CCM2: variants seen among roughly 807,000 people sequenced by gnomAD.
CCM2 encodes the protein cerebral cavernous malformations 2 protein.
A neutral mutation model predicts 44.9 loss-of-function variants in CCM2; 25 were observed. The ratio of observed to expected loss-of-function variants is 0.56; its 90% CI spans 0.41 to 0.78. The LOEUF is 0.78. Ranked by LOEUF, CCM2 falls within the 30% of genes least tolerant of loss-of-function variation. CCM2 has a pLI of 0.00. For missense variants in CCM2, 481 were observed against 580.6 expected (o/e 0.83, Z 1.76); for synonymous variants, 219 against 241.1 (o/e 0.91, Z 0.85).
chr7:45,062,315 C>A (rs1025210995), intron 2 of CCM2, among the ~76,000 whole-genome samples: 1 of 152,052 alleles, frequency 6.6e-6, no homozygotes, highest in Admixed American at 6.6e-5. Context: ...ATCAGCAACC[C>A]ATTTTAAAAA....
At chr7:45,011,724 G>A (rs1042152908) in intron 1 of CCM2, among the ~76,000 whole-genome samples, 3 of 151,928 alleles carry the variant, frequency 2.0e-5, no homozygotes, top group African/African-American at 7.3e-5. Context: ...GCTAATTTTT[G>A]TATTTTTAGT....
At chr7:45,040,658 G>C (rs1026781747) in intron 2 of CCM2, among the ~76,000 whole-genome samples, 1 of 152,118 alleles carries the variant, frequency 6.6e-6, no homozygotes, top group Non-Finnish European at 1.5e-5. Context: ...ACAGAAGCCT[G>C]TTCTTAGAAG....
At chr7:45,011,755 T>C (rs1796075556) in intron 1 of CCM2, among the ~76,000 whole-genome samples, 1 of 152,216 alleles carries the variant, frequency 6.6e-6, no homozygotes. Flanking sequence ...TTTCAATATG[T>C]TGGCCAGGAT....
At chr7:44,999,891 G>A (rs1004458284), upstream of CCM2, 1 of 351,200 alleles carries the variant, frequency 2.8e-6, no homozygotes, top group Non-Finnish European at 5.8e-6. Context: ...AGCGAAGTAG[G>A]GGTAGGAGCG....
chr7:45,039,654 TAA>T (rs1212009549), intron 2 of CCM2, among the ~76,000 whole-genome samples: 2 of 152,152 alleles, frequency 1.3e-5, no homozygotes, highest in Non-Finnish European at 2.9e-5. Flanking sequence ...TTCAGAAAGA[TAA>T]GAGGAAATAT....
At chr7:45,045,286 C>A (rs1797698838) in intron 2 of CCM2, among the ~76,000 whole-genome samples, 1 of 152,156 alleles carries the variant, frequency 6.6e-6, no homozygotes. Flanking sequence ...GAACTTGAAT[C>A]ACCTTGGAAC....
chr7:45,001,466 C>T (rs1795624573), intron 1 of CCM2, among the ~76,000 whole-genome samples: 1 of 152,244 alleles, frequency 6.6e-6, no homozygotes, highest in African/African-American at 2.4e-5. Flanking sequence ...GAGGGAGGAG[C>T]CAAGCAGTGT....
intron 1 of CCM2, among the ~76,000 whole-genome samples, chr7:45,033,663 T>C (rs1797073419): frequency 6.6e-6 from 1 of 152,204 alleles, no homozygotes; most frequent in South Asian, 2.1e-4. Flanking sequence ...TCCATGTCTG[T>C]GGAGATGCAA....
At chr7:45,027,396 A>G in intron 1 of CCM2, 2 of 464,784 alleles carry the variant, frequency 4.3e-6, no homozygotes, top group South Asian at 4.2e-5. Context: ...TTTGAAATTA[A>G]TGTCCTTCTG....
intron 1 of CCM2, chr7:45,029,635 G>GTTAGT (rs1455383707): frequency 1.3e-5 from 2 of 152,168 alleles, no homozygotes; most frequent in Non-Finnish European, 2.9e-5. Context: ...TGACTTATAA[G>GTTAGT]TTAGTTTCTG....
At chr7:45,037,971 A>G (rs1284806241) in intron 1 of CCM2, among the ~76,000 whole-genome samples, 1 of 152,166 alleles carries the variant, frequency 6.6e-6, no homozygotes, top group African/African-American at 2.4e-5. Context: ...CTTGCCAGAT[A>G]AGGTTACCTG....
At chr7:45,027,140 GGT>G (rs1796723828) in intron 1 of CCM2, 1 of 185,692 alleles carries the variant, frequency 5.4e-6, no homozygotes, top group African/African-American at 2.4e-5. Flanking sequence ...CGTAGAGCCC[GGT>G]GTGCCCTGCC....
chr7:45,020,822 T>C (rs886616253), intron 1 of CCM2, among the ~76,000 whole-genome samples: 1 of 147,616 alleles, frequency 6.8e-6, no homozygotes. Context: ...AAATATATTA[T>C]ATGAAAAAAA....
intron 2 of CCM2, among the ~76,000 whole-genome samples, chr7:45,060,444 G>A (rs866080085): frequency 2.0e-5 from 3 of 152,098 alleles, no homozygotes; most frequent in African/African-American, 7.2e-5. Flanking sequence ...GCTTTTTACC[G>A]TTTCATGTTC....
intron 4 of CCM2, chr7:45,068,149 G>GTGAC (rs1182026119): frequency 2.2e-6 from 1 of 461,520 alleles, no homozygotes; most frequent in Non-Finnish European, 4.0e-6. Flanking sequence ...CCTCCTGGAG[G>GTGAC]TGACTGTTCT....
chr7:45,019,607 G>A (rs907271434), intron 1 of CCM2, among the ~76,000 whole-genome samples: 3 of 151,686 alleles, frequency 2.0e-5, no homozygotes, highest in African/African-American at 7.3e-5. Flanking sequence ...TTTTTGAGAC[G>A]GATCTTGCTC....
intron 6 of CCM2, chr7:45,070,255 C>T (rs181967799): frequency 1.4e-4 from 60 of 436,370 alleles, no homozygotes; most frequent in Middle Eastern, 1.4e-3. Context: ...TCACTTAACT[C>T]GGAACAAAGA....
In CCM2 at chr7:45,000,224, G is replaced by T; in HGVS notation, c.-110G>T. On this transcript the variant is annotated 5_prime_UTR_variant, in exon 1 of 10. Coordinates refer to ENST00000258781, the MANE Select transcript of CCM2 (RefSeq NM_031443.4). ...GCGGAGACTTCGGGCCCGGCTGGCGGGCGGCGCCGGGAGCGCGGGGGCGGC... is the reference window on the plus strand; with the variant it reads ...GCGGAGACTTCGGGCCCGGCTGGCGTGCGGCGCCGGGAGCGCGGGGGCGGC... The T allele has an allele frequency of 1.5e-6, 1 of 649,700 alleles. No individual in the cohort carries two copies. Among genetic ancestry groups the T allele is most frequent in the Non-Finnish European group, 1.9e-6 (1 of 522,416 alleles). The allele number at this position is 649,700 out of a possible 1,614,324, so 40.2% of individuals were successfully genotyped here.
intron 1 of CCM2, among the ~76,000 whole-genome samples, chr7:45,004,125 A>G (rs1795752924): frequency 6.6e-6 from 1 of 152,172 alleles, no homozygotes; most frequent in African/African-American, 2.4e-5. Flanking sequence ...GGCTGCAGTG[A>G]GTGTGATTGT....
Sources: allele counts gnomAD v4.1 joint callset (sites outside exome capture counted in the v4.1 genomes callset), GRCh38; gene constraint gnomAD v4.1.1; transcripts MANE v1.5; gene names NCBI Gene and HGNC (gene_info 2026-07-23, HGNC 2026-07-21).